The following SEMA3D variants were observed in gnomAD, a reference collection of about 807,000 sequenced individuals.
SEMA3D encodes semaphorin-3D.
In SEMA3D, 84 loss-of-function variants were observed where a neutral mutation model predicts 100.1. The ratio of observed to expected loss-of-function variants is 0.84; its 90% CI spans 0.70 to 1.01. The LOEUF (loss-of-function observed/expected upper bound fraction) is 1.01. Among genes scored for constraint, SEMA3D ranks in the 50% least tolerant of loss-of-function variants. The probability of loss-of-function intolerance (pLI) is 0.00; values close to 1 mark genes in which losing one functional copy is unlikely to be tolerated. For synonymous variants in SEMA3D, 312 were observed against 320.7 expected (o/e 0.97, Z 0.29); for missense variants, 875 against 934.1 (o/e 0.94, Z 0.82).
chr7:85,074,730 C>A (rs778770988), intron 5 of SEMA3D, among the ~76,000 whole-genome samples: 25 of 151,860 alleles, frequency 1.6e-4, no homozygotes, highest in Non-Finnish European at 2.5e-4. Flanking sequence ...AATTCTTTAG[C>A]CTCAGCCTCT....
At chr7:85,079,955 C>T (rs985055802) in intron 5 of SEMA3D, among the ~76,000 whole-genome samples, 1 of 152,104 alleles carries the variant, frequency 6.6e-6, no homozygotes, top group Non-Finnish European at 1.5e-5. Context: ...ATGAAGATAC[C>T]AAAGCCGTGG....
At chr7:85,199,171 T>G in the SEMA3D span, among the ~76,000 whole-genome samples, 2 of 152,252 alleles carry the variant, frequency 1.3e-5, no homozygotes, top group African/African-American at 4.8e-5. Flanking sequence ...GCTTGTAATA[T>G]TCATGGTAAT....
At chr7:85,192,522 C>A in the SEMA3D span, among the ~76,000 whole-genome samples, 21 of 152,026 alleles carry the variant, frequency 1.4e-4, no homozygotes, top group Middle Eastern at 6.3e-3. Flanking sequence ...CCGAACTAGA[C>A]CAAATTCTAT....
intron 2 of SEMA3D, among the ~76,000 whole-genome samples, chr7:85,146,502 C>T (rs1275765146): frequency 6.6e-6 from 1 of 151,460 alleles, no homozygotes; most frequent in Non-Finnish European, 1.5e-5. Flanking sequence ...TGCATTGAGC[C>T]AAGATTGGGC....
chr7:85,179,372 T>A (rs1422239503), intron 1 of SEMA3D, among the ~76,000 whole-genome samples: 1 of 152,138 alleles, frequency 6.6e-6, no homozygotes, highest in Non-Finnish European at 1.5e-5. Context: ...GGAGCAGAGC[T>A]TCCCCAGGCT....
At chr7:85,090,498 G>A (rs1437979057) in intron 4 of SEMA3D, among the ~76,000 whole-genome samples, 3 of 152,138 alleles carry the variant, frequency 2.0e-5, no homozygotes, top group Admixed American at 6.5e-5. Context: ...ATGTCCACAT[G>A]CTTTCCAAGT....
In SEMA3D at chr7:84,996,767, T is replaced by A. The variant is rs1461267941; in HGVS notation, c.*2673A>T. 6.6e-6 allele frequency: 1 copy of A among 152,014 alleles called. No homozygotes were observed. The highest frequency in any genetic ancestry group is 1.5e-5 in the Non-Finnish European group (1 of 67,874). The allele number at this position is 152,014 out of a possible 1,614,324, so 9.4% of individuals were successfully genotyped here. ...AGTAAACAGGCATTTTAAGATCCCCTCCGCAGAGTCAATTTCTTAGCATAT... is the reference window on the plus strand; with the variant it reads ...AGTAAACAGGCATTTTAAGATCCCCACCGCAGAGTCAATTTCTTAGCATAT... On this transcript the variant is annotated 3_prime_UTR_variant, in exon 19 of 19. Coordinates refer to ENST00000284136, the MANE Select transcript of SEMA3D (RefSeq NM_001384900.1).
chr7:85,144,511 T>C, intron 2 of SEMA3D: 1 of 981,154 alleles, frequency 1.0e-6, no homozygotes, highest in Non-Finnish European at 1.2e-6. Flanking sequence ...AATAGAGATA[T>C]ATTTTTTGCC....
At chr7:85,050,109 ACACAC>A (rs1791121663) in intron 9 of SEMA3D, among the ~76,000 whole-genome samples, 3 of 151,110 alleles carry the variant, frequency 2.0e-5, no homozygotes, top group Non-Finnish European at 4.4e-5. Context: ...ACACACACAC[ACACAC>A]ACACACAGAG....
rs1220885856 is a variant in SEMA3D, at chr7:84,998,559, T to C, written c.*881A>G. The C allele has an allele frequency of 6.6e-6, 1 of 152,070 alleles. No individual in the cohort carries two copies. Among genetic ancestry groups the C allele is most frequent in the African/African-American group, 2.4e-5 (1 of 41,418 alleles). 9.4% of individuals were successfully genotyped at this position (152,070 alleles called of 1,614,324 possible). The stretch of plus-strand genomic sequence containing the variant: ...TTCTTCCTTTTCATGGGGATATGAG[T>C]TTTCCCCAAAGCCAGAATTTATGGC... On this transcript the variant is annotated 3_prime_UTR_variant, in exon 19 of 19. Transcript: ENST00000284136.
At chr7:85,229,579 A>G in the SEMA3D span, among the ~76,000 whole-genome samples, 1 of 152,066 alleles carries the variant, frequency 6.6e-6, no homozygotes, top group East Asian at 1.9e-4. Context: ...TAAATTTAAT[A>G]TGAGTGTAAC....
At position 85,177,962 on chromosome 7, in the gene SEMA3D, G is replaced by T. The variant is rs190764448; in HGVS notation, c.-173+8716C>A. 1.2e-4 allele frequency among the ~76,000 whole-genome samples: 19 copies of T among 152,262 alleles called. 1 individual carries two copies. On this transcript the variant is annotated intron_variant, in intron 1 of 18. Coordinates refer to ENST00000284136, the MANE Select transcript of SEMA3D (RefSeq NM_001384900.1). The stretch of plus-strand genomic sequence containing the variant: ...GGGAGGTGATTAGGTCATGAGGGCA[G>T]TTCCCCCATGCTGTTCTCGTGATAG...
At chr7:85,039,943 T>C (rs1306802103) in intron 11 of SEMA3D, among the ~76,000 whole-genome samples, 1 of 151,632 alleles carries the variant, frequency 6.6e-6, no homozygotes, top group Non-Finnish European at 1.5e-5. Context: ...TGTAAATACT[T>C]ACTATGATTA....
At chr7:85,142,531 T>A (rs766917930) in intron 2 of SEMA3D, 145 of 983,872 alleles carry the variant, frequency 1.5e-4, no homozygotes, top group Admixed American at 4.9e-4. Context: ...GGTAATATGG[T>A]ATTTTCCCCA....
At chr7:85,133,418 C>T (rs1337578046) in intron 2 of SEMA3D, among the ~76,000 whole-genome samples, 1 of 151,908 alleles carries the variant, frequency 6.6e-6, no homozygotes, top group East Asian at 1.9e-4. Flanking sequence ...ACATCTTTCC[C>T]TCTTGGAGAA....
At chr7:85,131,498 A>G (rs1044713437) in intron 2 of SEMA3D, among the ~76,000 whole-genome samples, 1 of 152,042 alleles carries the variant, frequency 6.6e-6, no homozygotes, top group Non-Finnish European at 1.5e-5. Flanking sequence ...AAAACTTTAA[A>G]ATCAAAGTAG....
chr7:85,008,161 T>C (rs1247156701), intron 17 of SEMA3D, among the ~76,000 whole-genome samples: 1 of 151,784 alleles, frequency 6.6e-6, no homozygotes, highest in East Asian at 1.9e-4. Flanking sequence ...CACCATCTTA[T>C]AATAACAGAT....
intron 1 of SEMA3D, among the ~76,000 whole-genome samples, chr7:85,155,506 G>A (rs1304968623): frequency 6.6e-6 from 1 of 152,042 alleles, no homozygotes; most frequent in African/African-American, 2.4e-5. Context: ...GAAACTTAAT[G>A]TATTTCCAAC....
At chr7:85,078,698 T>C (rs1047273937) in intron 5 of SEMA3D, among the ~76,000 whole-genome samples, 3 of 152,200 alleles carry the variant, frequency 2.0e-5, no homozygotes, top group Admixed American at 6.5e-5. Flanking sequence ...TGTTTCCTCA[T>C]CTTCTACTAT....
Sources: allele counts gnomAD v4.1 joint callset (sites outside exome capture counted in the v4.1 genomes callset), GRCh38; gene constraint gnomAD v4.1.1; transcripts MANE v1.5; gene names NCBI Gene and HGNC (gene_info 2026-07-23, HGNC 2026-07-21).